The following PTK2 variants were observed in gnomAD, a reference collection of about 807,000 sequenced individuals.
The protein encoded by PTK2 is focal adhesion kinase 1.
A neutral mutation model predicts 150.1 loss-of-function variants in PTK2; 45 were observed. The ratio of observed to expected loss-of-function variants is 0.30; its 90% CI spans 0.24 to 0.38. The LOEUF (loss-of-function observed/expected upper bound fraction) is 0.38. PTK2 is among the 10% of genes least tolerant of loss of function. The pLI, the probability that PTK2 is intolerant of heterozygous loss-of-function variation, is 1.00. For synonymous variants in PTK2, 432 were observed against 449.2 expected (o/e 0.96, Z 0.48); for missense variants, 919 against 1,307.3 (o/e 0.70, Z 4.58).
chr8:140,698,360 T>C (rs541239175), intron 26 of PTK2, among the ~76,000 whole-genome samples: 9 of 152,324 alleles, frequency 5.9e-5, no homozygotes, highest in African/African-American at 2.2e-4. Context: ...AAAAAATAGG[T>C]TTAAAATGTA....
chr8:140,752,301 C>T, exon 17 of PTK2: 2 of 1,613,988 alleles, frequency 1.2e-6, no homozygotes, highest in Non-Finnish European at 1.7e-6. Context: ...ATTGCAACCG[C>T]CAAAGCTGGA....
intron 1 of PTK2, among the ~76,000 whole-genome samples, chr8:140,941,520 G>A (rs954960554): frequency 1.3e-5 from 2 of 152,098 alleles, no homozygotes; most frequent in Non-Finnish European, 1.5e-5. Context: ...CCTGAAGATC[G>A]TAAAATGATG....
chr8:140,816,820 G>A (rs1420832885), intron 10 of PTK2, among the ~76,000 whole-genome samples: 1 of 152,144 alleles, frequency 6.6e-6, no homozygotes, highest in Admixed American at 6.5e-5. Flanking sequence ...CAATGAGTGC[G>A]AAAATAGTAC....
intron 21 of PTK2, 44 bp from the exon 25 acceptor site, chr8:140,735,499 G>A: frequency 1.3e-6 from 2 of 1,581,992 alleles, no homozygotes; most frequent in Non-Finnish European, 1.7e-6. Flanking sequence ...TCAGTATGAA[G>A]AATGTAACTC....
intron 27 of PTK2, among the ~76,000 whole-genome samples, chr8:140,681,352 C>CAA (rs545284003): frequency 1.3e-4 from 16 of 120,398 alleles, no homozygotes; most frequent in East Asian, 4.8e-4. Context: ...GACTCCGTCT[C>CAA]AAAAAAAAAA....
chr8:140,770,205 T>C (rs2100074726), intron 14 of PTK2, among the ~76,000 whole-genome samples: 1 of 152,214 alleles, frequency 6.6e-6, no homozygotes, highest in African/African-American at 2.4e-5. Flanking sequence ...CTGGAGAAAT[T>C]ACTGTTTCAA....
intron 1 of PTK2, among the ~76,000 whole-genome samples, chr8:140,983,300 T>A (rs1205225716): frequency 1.3e-5 from 2 of 149,082 alleles, no homozygotes; most frequent in African/African-American, 4.9e-5. Flanking sequence ...GGCAGGAGAA[T>A]TGCTTGAACC....
intron 2 of PTK2, among the ~76,000 whole-genome samples, chr8:140,904,881 TTC>T (rs1354874434): frequency 6.6e-6 from 1 of 152,192 alleles, no homozygotes; most frequent in African/African-American, 2.4e-5. Flanking sequence ...TCTTTGATTC[TTC>T]TCTCTTTTCT....
intron 21 of PTK2, among the ~76,000 whole-genome samples, chr8:140,737,997 C>T (rs2100053567): frequency 1.3e-5 from 2 of 151,986 alleles, no homozygotes. Flanking sequence ...AATTAAGAAT[C>T]AACAGTAAGT....
intron 19 of PTK2, among the ~76,000 whole-genome samples, chr8:140,744,214 A>G (rs1349971448): frequency 6.6e-6 from 1 of 152,086 alleles, no homozygotes; most frequent in Non-Finnish European, 1.5e-5. Flanking sequence ...ATAAACAGAA[A>G]TTCCACAGAA....
intron 1 of PTK2, among the ~76,000 whole-genome samples, chr8:140,947,428 A>G (rs539559416): frequency 6.6e-6 from 1 of 152,222 alleles, no homozygotes; most frequent in African/African-American, 2.4e-5. Context: ...TGGCAGCACC[A>G]AAGTCTGAAC....
At chr8:140,908,001 T>A (rs1322453047) in intron 2 of PTK2, among the ~76,000 whole-genome samples, 1 of 152,166 alleles carries the variant, frequency 6.6e-6, no homozygotes, top group Non-Finnish European at 1.5e-5. Flanking sequence ...TAGAAATGAT[T>A]AAGCCTAGTG....
At chr8:140,694,020 G>GC (rs1232069015) in intron 26 of PTK2, among the ~76,000 whole-genome samples, 13 of 151,808 alleles carry the variant, frequency 8.6e-5, no homozygotes, top group Admixed American at 3.9e-4. Context: ...CAGAAGCTAA[G>GC]CATCTTTTTT....
In PTK2 at chr8:140,789,660, TCTA is replaced by T. The variant is rs1285425456; in HGVS notation, c.1125-137_1125-135del. ...TACGTGATTTCTTTAAAAATTGGAT[TCTA>T]CTATTAAAATAGCCAGGCTGCTTTA... On this transcript the variant is annotated intron_variant, in intron 13 of 31. Transcript: ENST00000522684. 11 of 753,232 alleles carry T rather than the reference TCTA, an allele frequency of 1.5e-5. No homozygotes were observed. The East Asian group carries it at 2.9e-4, about 20-fold the overall frequency. 46.7% of individuals were successfully genotyped at this position (753,232 alleles called of 1,614,324 possible). A position where few individuals can be genotyped will look rare whatever the true frequency, so the allele number is the denominator to read the frequency against.
chr8:140,975,508 T>C (rs1222181179), intron 1 of PTK2, among the ~76,000 whole-genome samples: 2 of 152,122 alleles, frequency 1.3e-5, no homozygotes, highest in Non-Finnish European at 2.9e-5. Flanking sequence ...CGCTGAAAAA[T>C]ACTTTACAAA....
At chr8:140,887,803 G>C (rs1449796888) in intron 3 of PTK2, among the ~76,000 whole-genome samples, 1 of 152,024 alleles carries the variant, frequency 6.6e-6, no homozygotes. Flanking sequence ...ATAACACATT[G>C]ATATATTTTA....
exon 4 of PTK2, chr8:140,879,599 C>T: frequency 2.2e-6 from 3 of 1,353,004 alleles, no homozygotes; most frequent in Non-Finnish European, 2.9e-6. Context: ...AGGCCACATG[C>T]TTTACTTTGT....
chr8:140,904,866 G>A (rs980854112), intron 2 of PTK2, among the ~76,000 whole-genome samples: 15 of 151,844 alleles, frequency 9.9e-5, no homozygotes, highest in Admixed American at 8.5e-4. Context: ...ATTTTTTATT[G>A]TGTCTCTTTG....
At chr8:140,921,916 C>T (rs2100167608) in intron 2 of PTK2, among the ~76,000 whole-genome samples, 1 of 152,188 alleles carries the variant, frequency 6.6e-6, no homozygotes, top group Non-Finnish European at 1.5e-5. Context: ...TCCACTTTAG[C>T]AGTAAGATAA....
Sources: gnomAD v4.1 joint callset for allele counts (sites outside exome capture counted in the v4.1 genomes callset) on GRCh38, gnomAD v4.1.1 for gene constraint, MANE v1.5 for transcripts, NCBI Gene and HGNC (gene_info 2026-07-23, HGNC 2026-07-21) for gene names.